ATP2B4: variants seen among roughly 807,000 people sequenced by gnomAD.
ATP2B4 encodes plasma membrane calcium-transporting ATPase 4.
A neutral mutation model predicts 110.3 loss-of-function variants in ATP2B4; 39 were observed. The observed-to-expected ratio is 0.35, with a 90% confidence interval of 0.27 to 0.46. ATP2B4 has a LOEUF of 0.46. ATP2B4 is among the 20% of genes least tolerant of loss of function. The probability of loss-of-function intolerance (pLI) is 1.00; values close to 1 mark genes in which losing one functional copy is unlikely to be tolerated. For missense variants in ATP2B4, 1,135 were observed against 1,530.9 expected, an observed-to-expected ratio of 0.74 and a Z score of 4.32; for synonymous variants, 538 against 571.7, an observed-to-expected ratio of 0.94 and a Z score of 0.84.
At chr1:203,690,528 TG>T (rs1316108864) in intron 2 of ATP2B4, among the ~76,000 whole-genome samples, 10 of 152,112 alleles carry the variant, frequency 6.6e-5, no homozygotes, top group Non-Finnish European at 1.5e-4. Context: ...TGAGTGAAGA[TG>T]GGATGGAACA....
At chr1:203,638,055 GA>G (rs1663511847) in intron 1 of ATP2B4, among the ~76,000 whole-genome samples, 1 of 152,074 alleles carries the variant, frequency 6.6e-6, no homozygotes, top group African/African-American at 2.4e-5. Context: ...GGCTCAACTG[GA>G]AATTATTCAT....
In ATP2B4 at chr1:203,739,543, T is replaced by C. The variant is rs200671751; in HGVS notation, c.3310-3T>C. 142 of 1,612,328 alleles carry C rather than the reference T, an allele frequency of 8.8e-5. No homozygotes were observed. The highest frequency in any genetic ancestry group is 1.1e-4 in the Non-Finnish European group (124 of 1,178,834). ...CATCCTCCTTTTCCTTCCCCTGGTA[T>C]AGATCAAAGTGGTCAAAGCGTTCCA... On this transcript the variant is annotated splice_region_variant and splice_polypyrimidine_tract_variant and intron_variant, in intron 20 of 20. Coordinates refer to ENST00000357681, the MANE Select transcript of ATP2B4 (RefSeq NM_001684.5).
chr1:203,694,605 G>A (rs1157605468), intron 2 of ATP2B4, among the ~76,000 whole-genome samples: 1 of 152,204 alleles, frequency 6.6e-6, no homozygotes, highest in East Asian at 1.9e-4. Flanking sequence ...TAGGAGATAA[G>A]GACTGGGGGG....
intron 20 of ATP2B4, chr1:203,733,329 A>T (rs758776449): frequency 6.2e-7 from 1 of 1,614,140 alleles, no homozygotes; most frequent in African/African-American, 1.3e-5. Flanking sequence ...AGTTCATCCT[A>T]TGTAGCAGTT....
At chr1:203,723,420 ATCTCTC>A (rs34964110) in intron 18 of ATP2B4, among the ~76,000 whole-genome samples, 480 of 44,570 alleles carry the variant, frequency 0.011, 9 homozygotes, top group African/African-American at 0.014. Context: ...TGAGACAGAT[ATCTCTC>A]TCTCTCTCTC....
At chr1:203,635,894 G>A (rs988887254) in intron 1 of ATP2B4, among the ~76,000 whole-genome samples, 1 of 152,202 alleles carries the variant, frequency 6.6e-6, no homozygotes, top group Non-Finnish European at 1.5e-5. Context: ...TTCTAAGAAA[G>A]TAAGGTCCTT....
chr1:203,643,522 T>C (rs1247851761), intron 1 of ATP2B4, among the ~76,000 whole-genome samples: 1 of 152,242 alleles, frequency 6.6e-6, no homozygotes, highest in African/African-American at 2.4e-5. Context: ...AGACTTTAGC[T>C]GGCAAGAAGT....
intron 1 of ATP2B4, among the ~76,000 whole-genome samples, chr1:203,641,426 A>T (rs1419164316): frequency 6.6e-6 from 1 of 152,124 alleles, no homozygotes; most frequent in African/African-American, 2.4e-5. Context: ...GGGAAAATTC[A>T]TTGGCTTTAG....
At chr1:203,732,144 C>G (rs1666743024) in intron 20 of ATP2B4, among the ~76,000 whole-genome samples, 1 of 147,710 alleles carries the variant, frequency 6.8e-6, no homozygotes, top group African/African-American at 2.5e-5. Flanking sequence ...ACCTTGCACT[C>G]CAGCCTGGGT....
chr1:203,712,548 G>A (rs1230123126), intron 13 of ATP2B4, among the ~76,000 whole-genome samples: 1 of 151,418 alleles, frequency 6.6e-6, no homozygotes, highest in Non-Finnish European at 1.5e-5. Flanking sequence ...CCAAGATCAT[G>A]CCACTGCACT....
intron 1 of ATP2B4, among the ~76,000 whole-genome samples, chr1:203,668,436 A>C (rs2102341291): frequency 6.6e-6 from 1 of 152,152 alleles, no homozygotes; most frequent in Admixed American, 6.5e-5. Flanking sequence ...GGCTATAGTT[A>C]CTATAACTGA....
chr1:203,648,560 A>G (rs906444480), intron 1 of ATP2B4, among the ~76,000 whole-genome samples: 42 of 152,174 alleles, frequency 2.8e-4, no homozygotes, highest in African/African-American at 1.0e-3. Context: ...CAAGAGTGAT[A>G]AAGAGTACTG....
intron 1 of ATP2B4, among the ~76,000 whole-genome samples, chr1:203,669,778 A>T (rs1292420633): frequency 1.3e-5 from 2 of 152,178 alleles, no homozygotes; most frequent in Non-Finnish European, 2.9e-5. Context: ...TTGGAAACAG[A>T]AGCACACTGG....
chr1:203,682,036 A>G (rs1041743446), intron 1 of ATP2B4, among the ~76,000 whole-genome samples: 1 of 152,132 alleles, frequency 6.6e-6, no homozygotes, highest in Non-Finnish European at 1.5e-5. Flanking sequence ...TAGCCTCAGA[A>G]CAAAACTTGG....
At chr1:203,685,915 C>T (rs7539122) in intron 2 of ATP2B4, among the ~76,000 whole-genome samples, 126,389 of 151,980 alleles carry the variant, frequency 0.83, 53,402 homozygotes, top group East Asian at 1. Flanking sequence ...ACATGGGTGC[C>T]TATGGAGTGC....
intron 15 of ATP2B4, among the ~76,000 whole-genome samples, chr1:203,717,352 G>A (rs1260686323): frequency 2.0e-5 from 3 of 151,948 alleles, no homozygotes; most frequent in Non-Finnish European, 4.4e-5. Flanking sequence ...ACCAATGAGT[G>A]GATTTTTTTT....
At chr1:203,630,746 C>T (rs1267759317) in intron 1 of ATP2B4, among the ~76,000 whole-genome samples, 1 of 152,152 alleles carries the variant, frequency 6.6e-6, no homozygotes, top group African/African-American at 2.4e-5. Flanking sequence ...CCTGTCATCC[C>T]AGTGGGTATT....
chr1:203,670,095 C>T (rs1482189215), intron 1 of ATP2B4, among the ~76,000 whole-genome samples: 1 of 152,214 alleles, frequency 6.6e-6, no homozygotes, highest in East Asian at 1.9e-4. Flanking sequence ...TACCTTGGGA[C>T]ACTGAAATAT....
At chr1:203,708,972 C>T (rs1665926288) in intron 10 of ATP2B4, among the ~76,000 whole-genome samples, 1 of 152,160 alleles carries the variant, frequency 6.6e-6, no homozygotes, top group African/African-American at 2.4e-5. Context: ...GCCTGGCCAA[C>T]ATGGTGAAAC....
Sources: allele counts gnomAD v4.1 joint callset (sites outside exome capture counted in the v4.1 genomes callset), GRCh38; gene constraint gnomAD v4.1.1; transcripts MANE v1.5; gene names NCBI Gene and HGNC (gene_info 2026-07-23, HGNC 2026-07-21).